The following MAGI1 variants were observed in gnomAD, a reference collection of about 807,000 sequenced individuals.
MAGI1 encodes membrane-associated guanylate kinase, WW and PDZ domain-containing protein 1.
MAGI1 carries 58 observed loss-of-function variants against 139.9 expected under a neutral mutation model. The ratio of observed to expected loss-of-function variants is 0.41; its 90% CI spans 0.34 to 0.52. The LOEUF is 0.52. Among genes scored for constraint, MAGI1 ranks in the 20% least tolerant of loss-of-function variants. The pLI is 0.12. For synonymous variants in MAGI1, 812 were observed against 737.9 expected, an observed-to-expected ratio of 1.10 and a Z score of -1.63; for missense variants, 1,874 against 1,901.6, an observed-to-expected ratio of 0.99 and a Z score of 0.27.
At chr3:65,935,410 G>C (rs1001008423) in intron 1 of MAGI1, among the ~76,000 whole-genome samples, 1 of 152,206 alleles carries the variant, frequency 6.6e-6, no homozygotes, top group Admixed American at 6.5e-5. Flanking sequence ...GAGGTGGGCA[G>C]GAGTTCATGA....
chr3:65,826,091 G>C (rs566618527), intron 1 of MAGI1, among the ~76,000 whole-genome samples: 237 of 150,730 alleles, frequency 1.6e-3, no homozygotes, highest in African/African-American at 5.5e-3. Context: ...ATGTGTATGT[G>C]CACATATATA....
intron 1 of MAGI1, among the ~76,000 whole-genome samples, chr3:65,776,248 T>TTA (rs1491160708): frequency 1.3e-3 from 1 of 784 alleles, no homozygotes; most frequent in Non-Finnish European, 0.071. Context: ...GTTGGGTTTC[T>TTA]TTTTTTTTTT....
chr3:65,792,377 A>C (rs552501488), intron 1 of MAGI1, among the ~76,000 whole-genome samples: 2 of 152,274 alleles, frequency 1.3e-5, no homozygotes, highest in South Asian at 4.1e-4. Context: ...AGGCAGGAGA[A>C]TTGCTTGAAC....
intron 1 of MAGI1, among the ~76,000 whole-genome samples, chr3:65,903,938 G>A (rs2061336835): frequency 6.6e-6 from 1 of 151,898 alleles, no homozygotes; most frequent in Non-Finnish European, 1.5e-5. Context: ...AACCCAGAAG[G>A]TGGAGGTTGC....
intron 1 of MAGI1, among the ~76,000 whole-genome samples, chr3:65,849,149 G>A (rs181608382): frequency 1.4e-3 from 206 of 150,532 alleles, no homozygotes; most frequent in Middle Eastern, 3.4e-3. Context: ...TCAGCCTCCC[G>A]AGTAGCTGGG....
At chr3:65,815,462 C>T (rs1010654953) in intron 1 of MAGI1, among the ~76,000 whole-genome samples, 27 of 152,242 alleles carry the variant, frequency 1.8e-4, no homozygotes, top group African/African-American at 6.5e-4. Context: ...AAATACCTAC[C>T]CCTCCCCCAG....
chr3:65,356,974 C>A lies in MAGI1; in HGVS notation c.3793G>T (p.Asp1265Tyr), dbSNP rs1182249860. 6.2e-7 allele frequency: 1 copy of A among 1,614,070 alleles called. No individual in the cohort carries two copies. The highest frequency in any genetic ancestry group is 8.5e-7 in the Non-Finnish European group (1 of 1,180,046). The change falls in exon 23 of 23, where the codon GAT becomes TAT. Residue 1265 changes from aspartate to tyrosine, a missense_variant. Asp to Tyr is a radical substitution (Grantham distance 160). Coordinates refer to ENST00000402939, the MANE Select transcript of MAGI1 (RefSeq NM_001033057.2). ...CTATACTCTCTGCTGCCTTTCGGAT[C>A]CCTTGCGTGTGCCCGCTTTTCCCCA... The part of the protein sequence containing the change: ...PHGEKRAHAR[D>Y]PKGSREYSRQ...
chr3:65,590,047 C>T (rs960512960), intron 2 of MAGI1, among the ~76,000 whole-genome samples: 4 of 152,108 alleles, frequency 2.6e-5, no homozygotes, highest in Non-Finnish European at 4.4e-5. Context: ...CACATGGTTG[C>T]GTCCTCTTCC....
At chr3:65,696,709 C>G (rs947101671) in intron 1 of MAGI1, among the ~76,000 whole-genome samples, 7 of 151,872 alleles carry the variant, frequency 4.6e-5, no homozygotes, top group African/African-American at 1.7e-4. Context: ...CATTTGGATT[C>G]TCAACAAAAA....
At chr3:65,844,967 G>A (rs1476429596) in intron 1 of MAGI1, among the ~76,000 whole-genome samples, 5 of 152,022 alleles carry the variant, frequency 3.3e-5, no homozygotes, top group Non-Finnish European at 5.9e-5. Flanking sequence ...AAATCCTTGG[G>A]CATAGGCGGG....
At chr3:65,629,229 T>A (rs1378151626) in intron 1 of MAGI1, among the ~76,000 whole-genome samples, 2 of 152,114 alleles carry the variant, frequency 1.3e-5, no homozygotes. Context: ...GAAACCAGGT[T>A]TCCCAAGAGA....
rs1215511516 is a variant in MAGI1, at chr3:66,038,077, C to T, written c.232G>A (p.Val78Met). 1.9e-6 allele frequency: 3 copies of T among 1,612,914 alleles called. No homozygotes were observed. The highest frequency in any genetic ancestry group is 1.7e-5 in the Admixed American group (1 of 59,958). The change falls in exon 1 of 23, where the codon GTG (valine) becomes ATG (methionine). Residue 78 changes from valine (V) to methionine (M), a missense_variant. Val to Met is a conservative substitution (Grantham distance 21). This residue lies in a region of MAGI1 where 648 missense variants were observed against 598.1 expected (regional missense o/e 1.08). Coordinates refer to ENST00000402939, the MANE Select transcript of MAGI1 (RefSeq NM_001033057.2). ...ELLLEVQGVRVSGLPRYDVLG... is the reference protein window; with the variant it reads ...ELLLEVQGVRMSGLPRYDVLG... Reference sequence around the variant, plus strand: ...ACGTCATAGCGGGGCAAGCCGGACACCCGGACCCCCTGCACCTCCAGAAGC... The same window carrying T: ...ACGTCATAGCGGGGCAAGCCGGACATCCGGACCCCCTGCACCTCCAGAAGC...
intron 3 of MAGI1, among the ~76,000 whole-genome samples, chr3:65,484,997 T>C (rs1452001995): frequency 1.3e-5 from 2 of 152,198 alleles, no homozygotes; most frequent in East Asian, 3.9e-4. Context: ...CCTGACGCAG[T>C]GCCAGGCACA....
At chr3:66,012,521 T>C (rs944330433) in intron 1 of MAGI1, among the ~76,000 whole-genome samples, 6 of 151,908 alleles carry the variant, frequency 3.9e-5, no homozygotes, top group Admixed American at 1.3e-4. Context: ...CAGACAACCA[T>C]TTGGGAGCCT....
intron 1 of MAGI1, among the ~76,000 whole-genome samples, chr3:65,676,510 A>C (rs1283298175): frequency 6.6e-6 from 1 of 152,216 alleles, no homozygotes; most frequent in Admixed American, 6.5e-5. Context: ...CTGGAGAATA[A>C]GGAAGAAAAA....
At chr3:65,658,775 T>G (rs1054429898) in intron 1 of MAGI1, among the ~76,000 whole-genome samples, 1 of 152,154 alleles carries the variant, frequency 6.6e-6, no homozygotes, top group African/African-American at 2.4e-5. Flanking sequence ...CCCTCCCATC[T>G]CAGAGGAAGT....
At chr3:65,606,758 T>C (rs999817170) in intron 2 of MAGI1, among the ~76,000 whole-genome samples, 1 of 152,156 alleles carries the variant, frequency 6.6e-6, no homozygotes, top group Non-Finnish European at 1.5e-5. Context: ...CCTTAAGTGA[T>C]CCACCCGCCT....
chr3:65,678,253 T>C (rs915587637), intron 1 of MAGI1, among the ~76,000 whole-genome samples: 11 of 151,950 alleles, frequency 7.2e-5, no homozygotes, highest in African/African-American at 2.7e-4. Flanking sequence ...CAAACCACCA[T>C]GGCATATGTA....
intron 1 of MAGI1, among the ~76,000 whole-genome samples, chr3:65,622,594 T>C (rs1277430622): frequency 2.0e-5 from 3 of 152,106 alleles, no homozygotes; most frequent in Non-Finnish European, 2.9e-5. Context: ...AACGGAGTCT[T>C]ATTCTGTCAC....
Sources: gnomAD v4.1 joint callset for allele counts (sites outside exome capture counted in the v4.1 genomes callset) on GRCh38, gnomAD v4.1.1 for gene constraint, gnomAD v4.1.1 regional missense constraint, MANE v1.5 for transcripts, NCBI Gene and HGNC (gene_info 2026-07-23, HGNC 2026-07-21) for gene names.